MATCAP1: variants seen among roughly 807,000 people sequenced by gnomAD.
The protein encoded by MATCAP1 is microtubule-associated tyrosine carboxypeptidase 1.
At chr16:67,180,910 G>A in the MATCAP1 span, among the ~76,000 whole-genome samples, 1 of 152,176 alleles carries the variant, frequency 6.6e-6, no homozygotes, top group Non-Finnish European at 1.5e-5. Flanking sequence ...TGCCCAAGGT[G>A]GAGTGCAGTG....
chr16:67,181,624 C>G, the MATCAP1 span: 1 of 152,292 alleles, frequency 6.6e-6, no homozygotes, highest in Non-Finnish European at 1.5e-5. Flanking sequence ...TTTCTCCTCT[C>G]TCCTACATCA....
At chr16:67,178,049 G>A in the MATCAP1 span, 1 of 1,614,200 alleles carries the variant, frequency 6.2e-7, no homozygotes, top group Non-Finnish European at 8.5e-7. Flanking sequence ...CGATGGTCTG[G>A]CGATGTCGCA....
the MATCAP1 span, chr16:67,178,869 A>T: frequency 9.8e-5 from 50 of 510,128 alleles, no homozygotes; most frequent in African/African-American, 9.4e-4. Context: ...GGGTGCCCAT[A>T]TCATCTTGAA....
the MATCAP1 span, among the ~76,000 whole-genome samples, chr16:67,182,249 C>CAAAAAAAA: frequency 2.2e-5 from 1 of 46,344 alleles, no homozygotes; most frequent in African/African-American, 7.9e-5. Context: ...AACTCCATCT[C>CAAAAAAAA]AAAAAAAAAA....
At chr16:67,178,532 C>G in the MATCAP1 span, 1 of 1,513,038 alleles carries the variant, frequency 6.6e-7, no homozygotes, top group East Asian at 2.5e-5. Context: ...GGAGGCGGCG[C>G]TGGGCGGGGC....
the MATCAP1 span, chr16:67,178,534 G>A: frequency 6.6e-7 from 1 of 1,513,902 alleles, no homozygotes; most frequent in Middle Eastern, 1.7e-4. Context: ...AGGCGGCGCT[G>A]GGCGGGGCGT....
At chr16:67,180,652 C>T in the MATCAP1 span, 5 of 1,421,034 alleles carry the variant, frequency 3.5e-6, no homozygotes, top group Non-Finnish European at 4.7e-6. Flanking sequence ...CTCCAACTCC[C>T]CACACTGTCG....
At chr16:67,179,813 A>T in the MATCAP1 span, 2 of 1,613,458 alleles carry the variant, frequency 1.2e-6, no homozygotes, top group Non-Finnish European at 8.5e-7. This position sits in a 1 kb window ranked among gnomAD's most constrained non-coding sequence, Gnocchi z 5.2. Flanking sequence ...AGGCAAGCTC[A>T]CCTCCCCAGC....
the MATCAP1 span, chr16:67,180,004 G>C: frequency 6.2e-7 from 1 of 1,612,940 alleles, no homozygotes; most frequent in Non-Finnish European, 8.5e-7. Flanking sequence ...CCCCTTGGGT[G>C]GTCAGGGCCA....
the MATCAP1 span, chr16:67,180,469 G>A: frequency 1.9e-6 from 3 of 1,605,700 alleles, no homozygotes; most frequent in South Asian, 1.1e-5. Context: ...AGAGCCAGGG[G>A]CAAGGCCAGG....
chr16:67,179,115 G>A, the MATCAP1 span: 1 of 1,194,136 alleles, frequency 8.4e-7, no homozygotes, highest in Non-Finnish European at 1.0e-6. This position sits in a 1 kb window ranked among gnomAD's most constrained non-coding sequence, Gnocchi z 5.2. Context: ...GACCCTGAGG[G>A]TTCTTTCTCT....
the MATCAP1 span, chr16:67,180,665 C>A: frequency 7.5e-7 from 1 of 1,326,264 alleles, no homozygotes; most frequent in Non-Finnish European, 1.0e-6. Context: ...CACTGTCGAC[C>A]TCTGGGGACA....
chr16:67,177,224 C>A, the MATCAP1 span, among the ~76,000 whole-genome samples: 3 of 152,148 alleles, frequency 2.0e-5, no homozygotes, highest in Non-Finnish European at 4.4e-5. Context: ...GCCTCTCAGA[C>A]CCTCACCTCC....
the MATCAP1 span, chr16:67,180,221 G>A: frequency 6.2e-7 from 1 of 1,614,176 alleles, no homozygotes; most frequent in Non-Finnish European, 8.5e-7. Flanking sequence ...TGGCAATATG[G>A]CCTGCATCCC....
chr16:67,176,683 A>C, the MATCAP1 span: 1 of 863,222 alleles, frequency 1.2e-6, no homozygotes, highest in Non-Finnish European at 1.7e-6. The surrounding 1 kb of genome is among the most constrained non-coding windows in gnomAD (Gnocchi z 4.3). Context: ...TCCTCAAGGA[A>C]TGCTCCTGCC....
At chr16:67,180,728 G>A in the MATCAP1 span, 1 of 629,116 alleles carries the variant, frequency 1.6e-6, no homozygotes, top group African/African-American at 1.8e-5. Flanking sequence ...CGACCAGCAG[G>A]CCCTGTACTC....
chr16:67,183,015 A>G, the MATCAP1 span, among the ~76,000 whole-genome samples: 1 of 152,198 alleles, frequency 6.6e-6, no homozygotes, highest in African/African-American at 2.4e-5. Flanking sequence ...CAATAAATAA[A>G]TGAATCCAAG....
chr16:67,182,714 G>A, the MATCAP1 span, among the ~76,000 whole-genome samples: 3 of 152,148 alleles, frequency 2.0e-5, no homozygotes, highest in South Asian at 4.1e-4. Context: ...TCCTCCCCCT[G>A]TATAATGGCA....
chr16:67,179,194 A>C, the MATCAP1 span: 2 of 1,350,090 alleles, frequency 1.5e-6, no homozygotes, highest in Non-Finnish European at 1.9e-6. The surrounding 1 kb of genome is among the most constrained non-coding windows in gnomAD (Gnocchi z 5.2). Flanking sequence ...GGAGAGAGAA[A>C]AATATACCCG....
Sources: gnomAD v4.1 joint callset for allele counts (sites outside exome capture counted in the v4.1 genomes callset) on GRCh38, gnomAD v4.1.1 for gene constraint, Gnocchi (gnomAD v3.1) non-coding constraint, MANE v1.5 for transcripts, NCBI Gene and HGNC (gene_info 2026-07-23, HGNC 2026-07-21) for gene names.